The following GRIN2D variants were observed in gnomAD, a reference collection of about 807,000 sequenced individuals.
GRIN2D encodes the protein glutamate receptor ionotropic, NMDA 2D.
A neutral mutation model predicts 103.2 loss-of-function variants in GRIN2D; 37 were observed. That is an observed-to-expected ratio of 0.36 (90% CI 0.28 to 0.47). The LOEUF is 0.47. Ranked by LOEUF, GRIN2D falls within the 20% of genes least tolerant of loss-of-function variation. The probability of loss-of-function intolerance (pLI) is 1.00; values close to 1 mark genes in which losing one functional copy is unlikely to be tolerated. For missense variants in GRIN2D, 1,557 were observed against 1,910.6 expected (o/e 0.81, Z 3.45); for synonymous variants, 845 against 885.6 (o/e 0.95, Z 0.81).
rs1970934232 is a variant in GRIN2D at position 48,415,429 on chromosome 19, A to G, written c.1581+397A>G. ...CTGGGGCAGGGGCGCGGCCAAATTGAGGAAACACCTGATTGGGGCCTGGGG... is the reference window on the plus strand; with the variant it reads ...CTGGGGCAGGGGCGCGGCCAAATTGGGGAAACACCTGATTGGGGCCTGGGG... On this transcript the variant is annotated intron_variant, in intron 7 of 13. Coordinates refer to ENST00000263269, the MANE Select transcript of GRIN2D (RefSeq NM_000836.4). Among the ~76,000 whole-genome samples, 3 of 141,266 alleles carry G rather than the reference A, an allele frequency of 2.1e-5. No individual in the cohort carries two copies. The Admixed American group carries it at 2.2e-4, about 10-fold the overall frequency. The allele number at this position is 141,266 out of a possible 152,430, so 92.7% of individuals were successfully genotyped here.
At chr19:48,438,622 C>T (rs929390419) in intron 11 of GRIN2D, among the ~76,000 whole-genome samples, 14 of 151,284 alleles carry the variant, frequency 9.3e-5, no homozygotes, top group Non-Finnish European at 4.4e-5. Flanking sequence ...TTAATAGAGA[C>T]GGGGTTTCGC....
rs1463489766 is a variant in GRIN2D at position 48,442,277 on chromosome 19, G to A, written c.2568G>A (p.Met856Ile). 1 of 1,614,160 alleles carries A rather than the reference G, an allele frequency of 6.2e-7. No homozygotes were observed. ...TCTTCTACATGCTCCTGGTGGCCAT[G>A]GGCCTGTCCCTGCTGGTCTTCGCCT... ...AGVFYMLLVAMGLSLLVFAWE... is the reference protein window; with the variant it reads ...AGVFYMLLVAIGLSLLVFAWE... Residue 856 changes from methionine (M) to isoleucine (I), a missense_variant, in exon 13 of 14, where the codon ATG becomes ATA. Met to Ile is a conservative substitution (Grantham distance 10). Around this residue, in one of 7 missense-constraint regions of GRIN2D, gnomAD observed 138 missense variants for 270.2 expected, o/e 0.51. Transcript: ENST00000263269. This position sits in a 1 kb window ranked among gnomAD's most constrained non-coding sequence, Gnocchi z 7.2.
chr19:48,418,786 G>A (rs1449089365), intron 8 of GRIN2D, among the ~76,000 whole-genome samples: 4 of 152,150 alleles, frequency 2.6e-5, no homozygotes, highest in African/African-American at 9.7e-5. Flanking sequence ...TGAATGGCCT[G>A]AGGAGATGGC....
At chr19:48,409,107 T>C (rs1970824662) in intron 4 of GRIN2D, among the ~76,000 whole-genome samples, 2 of 151,906 alleles carry the variant, frequency 1.3e-5, no homozygotes, top group Non-Finnish European at 2.9e-5. Flanking sequence ...AGGCATCACA[T>C]GGTAGAAGGG....
chr19:48,438,558 A>G (rs1971258441), intron 11 of GRIN2D, among the ~76,000 whole-genome samples: 1 of 151,758 alleles, frequency 6.6e-6, no homozygotes, highest in South Asian at 2.1e-4. Context: ...TCGGCCTCCC[A>G]AAGTGCTGGG....
At position 48,441,823 on chromosome 19, in the gene GRIN2D, G is replaced by A. The variant is rs1971295864; in HGVS notation, c.2307G>A (p.Lys769=). The A allele has an allele frequency of 1.2e-6, 2 of 1,614,012 alleles. No homozygotes were observed. Among genetic ancestry groups the A allele is most frequent in the African/African-American group, 2.7e-5 (2 of 75,074 alleles). The change falls in exon 12 of 14, where the codon AAG becomes AAA. Residue 769 remains lysine (K), a synonymous_variant. Transcript: ENST00000263269. ...DAAVLNYMAR[K]DEGCKLVTIG... is the part of the protein sequence containing the mutation. ...CAGTGCTCAATTACATGGCCCGCAA[G>A]GACGAGGGCTGCAAGCTTGTCACCA... is the stretch of plus-strand genomic sequence containing the variant.
rs1971024902 is a variant in GRIN2D at position 48,421,657 on chromosome 19, T to G, written c.2092-128T>G. 4.3e-6 allele frequency: 3 copies of G among 701,702 alleles called. No homozygotes were observed. The highest frequency in any genetic ancestry group is 7.4e-6 in the Non-Finnish European group (3 of 406,626). 43.5% of individuals were successfully genotyped at this position (701,702 alleles called of 1,614,324 possible). ...AGCATTCCCTAATGTAGTGAGCGAG[T>G]GTTGAGAAATATTGAACACTCCTGG... On this transcript the variant is annotated intron_variant, in intron 10 of 13. Coordinates refer to ENST00000263269, the MANE Select transcript of GRIN2D (RefSeq NM_000836.4). The surrounding 1 kb of genome is among the most constrained non-coding windows in gnomAD (Gnocchi z 4.8).
chr19:48,431,618 CTT>C (rs1971156757), intron 11 of GRIN2D, among the ~76,000 whole-genome samples: 1 of 144,842 alleles, frequency 6.9e-6, no homozygotes, highest in Non-Finnish European at 1.5e-5. Context: ...GAGTTTCACT[CTT>C]GTTGCCCAGG....
intron 3 of GRIN2D, among the ~76,000 whole-genome samples, chr19:48,402,147 A>AGAAAGAAAGAAG (rs1970721375): frequency 7.1e-6 from 1 of 139,870 alleles, no homozygotes; most frequent in Non-Finnish European, 1.6e-5. Flanking sequence ...AAAGAAAGAA[A>AGAAAGAAAGAAG]GAAAGAAAGA....
chr19:48,432,914 C>A (rs1456454408), intron 11 of GRIN2D, among the ~76,000 whole-genome samples: 2 of 151,052 alleles, frequency 1.3e-5, no homozygotes, highest in African/African-American at 4.9e-5. Context: ...CCTCAGCCTC[C>A]CGAGTAGCTG....
Position 48,405,903 on chromosome 19 carries a change from G to A in GRIN2D, c.1085+550G>A, listed in dbSNP as rs1164605596. 6.6e-6 allele frequency among the ~76,000 whole-genome samples: 1 copy of A among 152,150 alleles called. No individual in the cohort carries two copies. Among genetic ancestry groups the A allele is most frequent in the Admixed American group, 6.6e-5 (1 of 15,264 alleles). On this transcript the variant is annotated intron_variant, in intron 4 of 13. Transcript: ENST00000263269. This position sits in a 1 kb window ranked among gnomAD's most constrained non-coding sequence, Gnocchi z 5.1. ...TCTGGCATCTCTGCATGGTCGAAGTGGGTCGTGGGGATGTCTGAATTGTAG... is the reference window on the plus strand; with the variant it reads ...TCTGGCATCTCTGCATGGTCGAAGTAGGTCGTGGGGATGTCTGAATTGTAG...
rs1367546204 is a variant in GRIN2D, at chr19:48,398,031, CTG to C, written c.-26-334_-26-333del. On this transcript the variant is annotated intron_variant, in intron 2 of 13. Transcript: ENST00000263269. ...TCCCTTCCACCTCCCTCTGCTGTGT[CTG>C]TCTCTCCCTCTGTCTCTGCCTGTCT... Among the ~76,000 whole-genome samples the C allele has an allele frequency of 4.6e-5, 7 of 151,640 alleles. No individual in the cohort carries two copies. In the East Asian group the frequency reaches 1.4e-3, roughly 30 times the overall value.
rs1467152956 is a variant in GRIN2D, at chr19:48,412,416, G to GA, written c.1086-1572dup. Reference sequence around the variant, plus strand: ...GAGAAAGAAAAGAAAGAAAGAAAGAGAAAGAAAAGAAAGAAAGAAAGAAAG... The same window carrying GA: ...GAGAAAGAAAAGAAAGAAAGAAAGAGAAAAGAAAAGAAAGAAAGAAAGAAAG... On this transcript the variant is annotated intron_variant, in intron 4 of 13. Transcript: ENST00000263269. Among the ~76,000 whole-genome samples, 11 of 110,000 alleles carry GA rather than the reference G, an allele frequency of 1.0e-4. No individual in the cohort carries two copies. In the East Asian group the frequency reaches 2.9e-3, roughly 29 times the overall value. 72.2% of individuals were successfully genotyped at this position (110,000 alleles called of 152,430 possible). A position where few individuals can be genotyped will look rare whatever the true frequency, so the allele number is the denominator to read the frequency against.
intron 8 of GRIN2D, among the ~76,000 whole-genome samples, chr19:48,418,869 C>T (rs986249210): frequency 6.6e-6 from 1 of 151,966 alleles, no homozygotes; most frequent in East Asian, 1.9e-4. Flanking sequence ...TGGCTGAAAC[C>T]ACAGAAATGC....
intron 3 of GRIN2D, among the ~76,000 whole-genome samples, chr19:48,402,765 CGAGAGAGAGAGAGAGAGAGAGA>C (rs35263933): frequency 2.8e-5 from 3 of 109,004 alleles, no homozygotes; most frequent in South Asian, 6.7e-4. Context: ...TACTCCTTTA[CGAGAGAGAGAGAGAGAGAGAGA>C]GAGAGAGAGA....
In GRIN2D at chr19:48,414,880, C is replaced by G. The variant is rs1970924241; in HGVS notation, c.1429C>G (p.Pro477Ala). Residue 477 changes from proline (P) to alanine (A), a missense_variant, in exon 7 of 14, where the codon CCC becomes GCC. By Grantham distance (27) the Pro-to-Ala change is conservative (BLOSUM62 -1). Coordinates refer to ENST00000263269, the MANE Select transcript of GRIN2D (RefSeq NM_000836.4). The surrounding 1 kb of genome is among the most constrained non-coding windows in gnomAD (Gnocchi z 4.6). Reference protein sequence around the residue: ...NRTHSPPPDAPRPEKRCCKGF... With the variant: ...NRTHSPPPDAARPEKRCCKGF... ...TGCCCGCAGCCCTCCACCGGATGCC[C>G]CCCGCCCGGAAAAGCGCTGCTGCAA... The G allele has an allele frequency of 1.7e-5, 27 of 1,614,132 alleles. No homozygotes were observed. The highest frequency in any genetic ancestry group is 2.3e-5 in the Non-Finnish European group (27 of 1,180,038).
intron 11 of GRIN2D, among the ~76,000 whole-genome samples, chr19:48,435,694 C>T (rs1458623716): frequency 1.3e-5 from 2 of 152,066 alleles, no homozygotes; most frequent in South Asian, 2.1e-4. Flanking sequence ...ATCCGTGCCC[C>T]GGGCGGCCTC....
chr19:48,394,392 C>T lies in GRIN2D; in HGVS notation c.-305-266C>T, dbSNP rs1970607385. 6.8e-6 allele frequency among the ~76,000 whole-genome samples: 1 copy of T among 147,884 alleles called. No homozygotes were observed. The highest frequency in any genetic ancestry group is 1.5e-5 in the Non-Finnish European group (1 of 67,618). ...CAGGCAATCTCCCGCTCCTCACACG[C>T]ACACACCAGCCACTAGCTTCAGAGG... On this transcript the variant is annotated intron_variant, in intron 1 of 13. Transcript: ENST00000263269. The surrounding 1 kb of genome is among the most constrained non-coding windows in gnomAD (Gnocchi z 5.1).
intron 11 of GRIN2D, among the ~76,000 whole-genome samples, chr19:48,425,224 A>C (rs1488231795): frequency 1.9e-5 from 1 of 53,918 alleles, no homozygotes; most frequent in Non-Finnish European, 3.5e-5. Context: ...AGAGACTCTC[A>C]GTGGGCGGGC....
Sources: allele counts gnomAD v4.1 joint callset (sites outside exome capture counted in the v4.1 genomes callset), GRCh38; gene constraint gnomAD v4.1.1; regional missense constraint gnomAD v4.1.1; non-coding constraint Gnocchi (gnomAD v3.1); transcripts MANE v1.5; gene names NCBI Gene and HGNC (gene_info 2026-07-23, HGNC 2026-07-21).